The following LCORL variants were observed in gnomAD, a reference collection of about 807,000 sequenced individuals.
LCORL encodes the protein ligand-dependent nuclear receptor corepressor-like protein.
Under a neutral mutation model 141.8 loss-of-function variants are expected in LCORL, and 41 were observed. The ratio of observed to expected loss-of-function variants is 0.29; its 90% confidence interval spans 0.23 to 0.38. The LOEUF is 0.38. Ranked by LOEUF, LCORL falls within the 10% of genes least tolerant of loss-of-function variation. The pLI is 1.00. For synonymous variants in LCORL, 618 were observed against 694.1 expected (o/e 0.89, Z 1.72); for missense variants, 1,759 against 2,035.0 (o/e 0.86, Z 2.61).
At chr4:17,998,457 C>A (rs1486590671) in intron 1 of LCORL, among the ~76,000 whole-genome samples, 1 of 151,720 alleles carries the variant, frequency 6.6e-6, no homozygotes, top group Non-Finnish European at 1.5e-5. Context: ...AACTTTTTAA[C>A]CTTTTTTGTT....
chr4:17,946,546 G>A (rs967995238), intron 4 of LCORL, among the ~76,000 whole-genome samples: 1 of 151,830 alleles, frequency 6.6e-6, no homozygotes, highest in Non-Finnish European at 1.5e-5. Context: ...ATTATACAAG[G>A]AACTGAAAAT....
At chr4:18,015,296 T>C (rs1201686799) in intron 1 of LCORL, among the ~76,000 whole-genome samples, 1 of 152,090 alleles carries the variant, frequency 6.6e-6, no homozygotes, top group Admixed American at 6.5e-5. Context: ...AAAGAGGGCA[T>C]CACACAAAAA....
intron 2 of LCORL, among the ~76,000 whole-genome samples, chr4:17,968,349 C>A (rs979512626): frequency 1.3e-5 from 2 of 152,108 alleles, no homozygotes; most frequent in African/African-American, 4.8e-5. Flanking sequence ...ATCATCAATT[C>A]ATATTAGAAA....
At chr4:18,014,727 C>G (rs980881799) in intron 1 of LCORL, among the ~76,000 whole-genome samples, 1 of 152,114 alleles carries the variant, frequency 6.6e-6, no homozygotes, top group Non-Finnish European at 1.5e-5. Context: ...TAATTAAGAA[C>G]AAAGTGGTAT....
chr4:17,947,265 A>G (rs942033858), intron 4 of LCORL, among the ~76,000 whole-genome samples: 3 of 151,968 alleles, frequency 2.0e-5, no homozygotes, highest in Non-Finnish European at 4.4e-5. Context: ...AACATTATAT[A>G]AAGTACAGTA....
chr4:17,882,192 C>G (rs1291545658), intron 6 of LCORL: 9 of 984,444 alleles, frequency 9.1e-6, no homozygotes, highest in Non-Finnish European at 1.1e-5. Context: ...CACACAAACA[C>G]AAGTGTAAAA....
At chr4:17,859,670 G>A (rs951026798) in intron 7 of LCORL, among the ~76,000 whole-genome samples, 1 of 152,150 alleles carries the variant, frequency 6.6e-6, no homozygotes, top group Non-Finnish European at 1.5e-5. Context: ...TAGGAACAAT[G>A]TACTATGAGG....
intron 5 of LCORL, among the ~76,000 whole-genome samples, chr4:17,898,651 C>A (rs928124542): frequency 2.9e-5 from 3 of 104,764 alleles, no homozygotes; most frequent in Admixed American, 2.1e-4. Flanking sequence ...TCATTCTCAC[C>A]GTTTTTTTTT....
intron 4 of LCORL, among the ~76,000 whole-genome samples, chr4:17,929,874 T>C (rs962640272): frequency 1.3e-5 from 2 of 152,154 alleles, no homozygotes; most frequent in East Asian, 1.9e-4. Flanking sequence ...AAGGGTCCAA[T>C]ATCCACCATA....
chr4:17,962,228 A>G (rs1447441219), intron 3 of LCORL, among the ~76,000 whole-genome samples, 196 bp from the exon 4 acceptor site: 1 of 151,854 alleles, frequency 6.6e-6, no homozygotes, highest in Non-Finnish European at 1.5e-5. Context: ...GAGTCAAAAT[A>G]ACCTTATTCC....
intron 5 of LCORL, among the ~76,000 whole-genome samples, chr4:17,901,345 G>C (rs1730836064): frequency 6.7e-6 from 1 of 148,988 alleles, no homozygotes; most frequent in South Asian, 2.1e-4. Context: ...TGTACCTAGA[G>C]AAAACGTCTT....
intron 7 of LCORL, among the ~76,000 whole-genome samples, chr4:17,872,064 TAA>T (rs1479691655): frequency 4.7e-5 from 7 of 148,506 alleles, no homozygotes; most frequent in Admixed American, 4.1e-4. Context: ...AAACAAGTTT[TAA>T]AAAGAGTAGT....
chr4:17,947,117 C>T (rs1024902138), intron 4 of LCORL, among the ~76,000 whole-genome samples: 1 of 151,918 alleles, frequency 6.6e-6, no homozygotes, highest in African/African-American at 2.4e-5. Flanking sequence ...GCTAAGTGTC[C>T]AGCCGCAGAT....
At chr4:17,991,272 ACTC>A (rs1719969875) in intron 1 of LCORL, among the ~76,000 whole-genome samples, 1 of 151,930 alleles carries the variant, frequency 6.6e-6, no homozygotes, top group African/African-American at 2.4e-5. Context: ...TAAAGACTCT[ACTC>A]CTTGTTCTTC....
intron 5 of LCORL, among the ~76,000 whole-genome samples, chr4:17,894,475 A>G (rs1048887945): frequency 6.6e-6 from 1 of 152,264 alleles, no homozygotes; most frequent in South Asian, 2.1e-4. Context: ...GGATTTTAAA[A>G]GTATTTATAA....
intron 4 of LCORL, among the ~76,000 whole-genome samples, chr4:17,954,329 G>A (rs2109556747): frequency 6.6e-6 from 1 of 152,314 alleles, no homozygotes; most frequent in South Asian, 2.1e-4. Flanking sequence ...CTAGACAGAA[G>A]TAACAGCAAG....
chr4:17,935,722 G>C (rs1736743182), intron 4 of LCORL, among the ~76,000 whole-genome samples: 1 of 152,182 alleles, frequency 6.6e-6, no homozygotes, highest in South Asian at 2.1e-4. Flanking sequence ...CACACTTCTT[G>C]TGAAGCCTGC....
At chr4:17,876,685 A>G in exon 7 of LCORL, 4 of 1,230,878 alleles carry the variant, frequency 3.2e-6, no homozygotes, top group Non-Finnish European at 4.1e-6. Context: ...GTTCTGCTCA[A>G]AAGTCCAGAA....
rs181577341 is a variant in LCORL at position 17,917,986 on chromosome 4, C to A, written c.431-8641G>T. 1.3e-4 allele frequency among the ~76,000 whole-genome samples: 19 copies of A among 148,444 alleles called. No individual in the cohort carries two copies. In the East Asian group the frequency reaches 3.5e-3, roughly 27 times the overall value. On this transcript the variant is annotated intron_variant, in intron 4 of 7. Coordinates refer to ENST00000635767, the Ensembl canonical transcript of LCORL. ...AAAACAAAACAAAACATCACTGAAA[C>A]AAACAATTGCACTATTCTCAGCCTT...
Sources: allele counts gnomAD v4.1 joint callset (sites outside exome capture counted in the v4.1 genomes callset), GRCh38; gene constraint gnomAD v4.1.1; transcripts MANE v1.5; gene names NCBI Gene and HGNC (gene_info 2026-07-23, HGNC 2026-07-21).